ADGRG4: variants seen among roughly 807,000 people sequenced by gnomAD.
ADGRG4 encodes G protein-coupled receptor 112.
A neutral mutation model predicts 126.2 loss-of-function variants in ADGRG4; 122 were observed. That is an observed-to-expected ratio of 0.97 (90% CI 0.83 to 1.12). The LOEUF (loss-of-function observed/expected upper bound fraction) is 1.12, where lower values mean the gene tolerates loss of function less well. Ranked by LOEUF, ADGRG4 falls within the 50% of genes most tolerant of loss-of-function variation. ADGRG4 has a pLI of 0.00. For missense variants in ADGRG4, 2,481 were observed against 2,251.8 expected (o/e 1.10, Z -2.06); for synonymous variants, 943 against 838.7 (o/e 1.12, Z -2.15).
At chrX:136,387,179 T>C (rs630339) in intron 15 of ADGRG4, among the ~76,000 whole-genome samples, 42,120 of 110,899 alleles carry the variant, frequency 0.38, 6,002 homozygotes, top group African/African-American at 0.42. Flanking sequence ...ATTAAGTTTC[T>C]AGTACATGCT....
intron 1 of ADGRG4, among the ~76,000 whole-genome samples, chrX:136,301,914 G>C (rs2074702890): frequency 8.9e-6 from 1 of 111,805 alleles, no homozygotes; most frequent in Non-Finnish European, 1.9e-5. Context: ...TTATTTCTGA[G>C]GGCCCTGTTC....
chrX:136,350,759 A>G (rs2075057317), intron 6 of ADGRG4, among the ~76,000 whole-genome samples: 1 of 111,587 alleles, frequency 9.0e-6, no homozygotes, highest in African/African-American at 3.3e-5. Flanking sequence ...TAGGAACCTC[A>G]TCCCTTCCCA....
At chrX:136,334,118 TTCTTTCTTTCTTTC>T (rs2074933965) in intron 5 of ADGRG4, among the ~76,000 whole-genome samples, 1 of 100,631 alleles carries the variant, frequency 9.9e-6, no homozygotes, top group African/African-American at 3.7e-5. Context: ...CTTTCTTTCT[TTCTTTCTTTCTTTC>T]TTTCTTTTTC....
At chrX:136,329,435 C>A (rs2074894908) in intron 5 of ADGRG4, among the ~76,000 whole-genome samples, 1 of 111,737 alleles carries the variant, frequency 8.9e-6, no homozygotes, top group Admixed American at 9.5e-5. Context: ...GGCAATTAAG[C>A]CCACAGACCC....
chrX:136,328,428 A>G (rs1176293641), intron 5 of ADGRG4, among the ~76,000 whole-genome samples: 1 of 112,061 alleles, frequency 8.9e-6, no homozygotes, highest in East Asian at 2.8e-4. Context: ...CAAACAAAGG[A>G]ATTTTTTTTG....
In ADGRG4 at chrX:136,323,069, C is replaced by T. The variant is rs777647353; in HGVS notation, c.362C>T (p.Thr121Ile). Residue 121 changes from threonine to isoleucine, a missense_variant, in exon 5 of 26, where the codon ACA becomes ATA. Thr to Ile is a moderately conservative substitution (Grantham distance 89). Transcript: ENST00000394143. The part of the protein sequence containing the change: ...RHHLASFQWH[T>I]ICLIWDGVKG... ...CACCTGGCTTCATTTCAATGGCATA[C>T]AATATGCTTGATATGGGATGGTGTG... The T allele has an allele frequency of 1.7e-6, 2 of 1,210,407 alleles. No individual in the cohort carries two copies. Among genetic ancestry groups the T allele is most frequent in the Non-Finnish European group, 1.1e-6 (1 of 894,271 alleles).
intron 5 of ADGRG4, among the ~76,000 whole-genome samples, chrX:136,328,711 C>G (rs1035262360): frequency 7.6e-4 from 85 of 111,796 alleles, no homozygotes; most frequent in Non-Finnish European, 6.0e-4. Flanking sequence ...ATTATATGGT[C>G]TATGTCCTTT....
chrX:136,355,464 A>G (rs916243653), intron 8 of ADGRG4, among the ~76,000 whole-genome samples: 2 of 111,385 alleles, frequency 1.8e-5, no homozygotes, highest in African/African-American at 6.5e-5. Context: ...CTTTTTAAAA[A>G]CTGTGTCTAT....
chrX:136,354,269 C>G lies in ADGRG4; in HGVS notation c.6887+868C>G, dbSNP rs1313883367. Among the ~76,000 whole-genome samples, 4 of 111,585 alleles carry G rather than the reference C, an allele frequency of 3.6e-5. No individual in the cohort carries two copies. The East Asian group carries it at 1.1e-3, about 31-fold the overall frequency. On this transcript the variant is annotated intron_variant, in intron 8 of 25. Transcript: ENST00000394143. ...AACAAAAATGCTATAGACTAGGTGGCTTAAGCCACAGAAATTTATTGCTCA... is the reference window on the plus strand; with the variant it reads ...AACAAAAATGCTATAGACTAGGTGGGTTAAGCCACAGAAATTTATTGCTCA...
chrX:136,363,620 A>G (rs2075141246), intron 13 of ADGRG4, 25 bp downstream of exon 13: 1 of 963,097 alleles, frequency 1.0e-6, no homozygotes, highest in Admixed American at 2.2e-5. Context: ...TACATATAAG[A>G]CAAATTATGG....
Position 136,356,141 on chromosome X carries a change from A to G in ADGRG4, c.6903A>G (p.Glu2301=), listed in dbSNP as rs2075092105. The G allele has an allele frequency of 8.4e-7, 1 of 1,184,967 alleles. No homozygotes were observed. Among genetic ancestry groups the G allele is most frequent in the Non-Finnish European group, 1.1e-6 (1 of 874,429 alleles). The change falls in exon 9 of 26, where the codon GAA becomes GAG. Residue 2301 remains glutamate, a synonymous_variant. Transcript: ENST00000394143. ...TTTGATACAGGGACATTTCAGAGGA[A>G]GAGATGGTCATGGATCGAGCTATTG... is the stretch of plus-strand genomic sequence containing the variant. ...TQIKSRDISE[E]EMVMDRAILE...
At chrX:136,396,388 T>C (rs1415637412) in intron 19 of ADGRG4, among the ~76,000 whole-genome samples, 2 of 103,337 alleles carry the variant, frequency 1.9e-5, no homozygotes, top group African/African-American at 7.0e-5. Flanking sequence ...TATATATATG[T>C]ATGTATATAT....
At chrX:136,392,376 C>A in intron 17 of ADGRG4, 22 bp downstream of exon 17, 1 of 1,127,080 alleles carries the variant, frequency 8.9e-7, no homozygotes, top group South Asian at 2.4e-5. Context: ...ATTTTCAGCT[C>A]AGAATCAAAT....
In ADGRG4 at chrX:136,331,859, C is replaced by G. The variant is rs760631263; in HGVS notation, c.685+8467C>G. 2.7e-4 allele frequency among the ~76,000 whole-genome samples: 28 copies of G among 104,925 alleles called. No individual in the cohort carries two copies. In the East Asian group the frequency reaches 8.1e-3, roughly 30 times the overall value. The allele number at this position is 104,925 out of a possible 115,157, so 91.1% of individuals were successfully genotyped here. A position where few individuals can be genotyped will look rare whatever the true frequency, so the allele number is the denominator to read the frequency against. Reference sequence around the variant, plus strand: ...TGAGGCGGAGTCCGGCTCTGTCACCCAGGCTGGAATGCAGTGGTGCGATCT... The same window carrying G: ...TGAGGCGGAGTCCGGCTCTGTCACCGAGGCTGGAATGCAGTGGTGCGATCT... On this transcript the variant is annotated intron_variant, in intron 5 of 25. Coordinates refer to ENST00000394143, the MANE Select transcript of ADGRG4 (RefSeq NM_153834.4).
At chrX:136,317,955 T>G (rs1351838758) in intron 4 of ADGRG4, among the ~76,000 whole-genome samples, 1 of 112,158 alleles carries the variant, frequency 8.9e-6, no homozygotes, top group Non-Finnish European at 1.9e-5. Context: ...AATATAAAAT[T>G]GTACAGCTGC....
Position 136,414,248 on chromosome X carries a change from C to T in ADGRG4, c.9126C>T (p.Leu3042=). ...IFEHKLLTPS[L]KSTATSSTFK... is the part of the protein sequence containing the mutation. ...AGCACAAACTGTTGACGCCATCTCT[C>T]AAGTCAACTGCAACTAGCTCCACTT... is the stretch of plus-strand genomic sequence containing the variant. Residue 3042 remains leucine (L), a synonymous_variant, in exon 25 of 26, where the codon CTC becomes CTT. Coordinates refer to ENST00000394143, the MANE Select transcript of ADGRG4 (RefSeq NM_153834.4). The T allele has an allele frequency of 8.3e-7, 1 of 1,203,913 alleles. No homozygotes were observed. The highest frequency in any genetic ancestry group is 1.1e-6 in the Non-Finnish European group (1 of 888,615).
In ADGRG4 at chrX:136,322,810, T is replaced by G; in HGVS notation, c.103T>G (p.Phe35Val). The part of the protein sequence containing the change: ...TLSLKGKKLD[F>V]FGRGDTYVSL... Reference sequence around the variant, plus strand: ...TTCACTAAAAGGAAAAAAGCTGGATTTTTTTGGAAGAGGTGACACATATGT... The same window carrying G: ...TTCACTAAAAGGAAAAAAGCTGGATGTTTTTGGAAGAGGTGACACATATGT... The change falls in exon 5 of 26, where the codon TTT (phenylalanine) becomes GTT (valine). Residue 35 changes from phenylalanine to valine, a missense_variant. Phe to Val is a conservative substitution (Grantham distance 50, BLOSUM62 -1). Transcript: ENST00000394143. 1 of 1,191,139 alleles carries G rather than the reference T, an allele frequency of 8.4e-7. No individual in the cohort carries two copies. Among genetic ancestry groups the G allele is most frequent in the Non-Finnish European group, 1.1e-6 (1 of 884,902 alleles).
intron 15 of ADGRG4, among the ~76,000 whole-genome samples, chrX:136,385,931 A>G (rs949942175): frequency 9.0e-6 from 1 of 111,434 alleles, no homozygotes; most frequent in African/African-American, 3.3e-5. Context: ...TCCATTCCAG[A>G]TGTCCACCAC....
At chrX:136,353,224 T>G (rs1029344283) in intron 7 of ADGRG4, 113 bp from the exon 8 acceptor site, 9 of 532,056 alleles carry the variant, frequency 1.7e-5, no homozygotes, top group African/African-American at 1.6e-4. Context: ...ATGGAAATGT[T>G]GAGCCAGCTG....
Sources: allele counts gnomAD v4.1 joint callset (sites outside exome capture counted in the v4.1 genomes callset), GRCh38; gene constraint gnomAD v4.1.1; transcripts MANE v1.5; gene names NCBI Gene and HGNC (gene_info 2026-07-23, HGNC 2026-07-21).